Variants in ARAP2 observed in about 807,000 individuals in gnomAD.
The protein encoded by ARAP2 is arf-GAP with Rho-GAP domain, ANK repeat and PH domain-containing protein 2.
In ARAP2, 148 loss-of-function variants were observed where a neutral mutation model predicts 194.5. The ratio of observed to expected loss-of-function variants is 0.76; its 90% CI spans 0.67 to 0.87. The LOEUF is 0.87. Among genes scored for constraint, ARAP2 ranks in the 40% least tolerant of loss-of-function variants. ARAP2 has a pLI of 0.00. For synonymous variants in ARAP2, 695 were observed against 683.5 expected, an observed-to-expected ratio of 1.02 and a Z score of -0.26; for missense variants, 2,128 against 1,989.7, an observed-to-expected ratio of 1.07 and a Z score of -1.32.
At chr4:36,018,287 G>A (rs760982592) in intron 6 of ARAP2, among the ~76,000 whole-genome samples, 2 of 152,014 alleles carry the variant, frequency 1.3e-5, no homozygotes, top group Non-Finnish European at 2.9e-5. Flanking sequence ...GTGTTCGTTA[G>A]GGTTCTCAAT....
At chr4:36,072,474 T>C (rs1216031584) in intron 32 of ARAP2, among the ~76,000 whole-genome samples, 1 of 152,066 alleles carries the variant, frequency 6.6e-6, no homozygotes, top group Non-Finnish European at 1.5e-5. Flanking sequence ...TTTATTTTGC[T>C]TTGCCGATAA....
At position 36,112,261 on chromosome 4, in the gene ARAP2, TA is replaced by T. The variant is rs553025839; in HGVS notation, c.4156+1908del. On this transcript the variant is annotated intron_variant, in intron 26 of 32. Coordinates refer to ENST00000303965, the MANE Select transcript of ARAP2 (RefSeq NM_015230.4). ...AGCCTGAAATACACGGTAAATGCCCTAAAAAAAGTATAGTCTAGGGCAGAAC... is the reference window on the plus strand; with the variant it reads ...AGCCTGAAATACACGGTAAATGCCCTAAAAAAGTATAGTCTAGGGCAGAAC... 7.9e-5 allele frequency among the ~76,000 whole-genome samples: 12 copies of T among 151,940 alleles called. No individual in the cohort carries two copies. In the South Asian group the frequency reaches 1.2e-3, roughly 16 times the overall value.
chr4:36,148,973 A>T (rs1730297500), intron 16 of ARAP2, among the ~76,000 whole-genome samples: 2 of 152,164 alleles, frequency 1.3e-5, no homozygotes, highest in Non-Finnish European at 2.9e-5. Context: ...CAGTTTTCCT[A>T]AGAAAGATAA....
downstream of ARAP2, chr4:36,065,337 T>G (rs889592226): frequency 2.0e-6 from 1 of 511,436 alleles, no homozygotes; most frequent in African/African-American, 2.0e-5. Context: ...GAGCTGGCTG[T>G]AGTGGATCTC....
chr4:36,232,736 GAAT>G (rs1272648660), intron 1 of ARAP2, among the ~76,000 whole-genome samples: 1 of 152,124 alleles, frequency 6.6e-6, no homozygotes, highest in Non-Finnish European at 1.5e-5. Context: ...CCTCAAAATA[GAAT>G]AAATCACTCC....
At chr4:36,093,500 C>G (rs1259344541) in intron 27 of ARAP2, among the ~76,000 whole-genome samples, 4 of 152,048 alleles carry the variant, frequency 2.6e-5, no homozygotes, top group Non-Finnish European at 4.4e-5. Flanking sequence ...TATACACTCT[C>G]TAATAACAAC....
intron 11 of ARAP2, among the ~76,000 whole-genome samples, chr4:36,163,230 A>G (rs1192636042): frequency 1.3e-5 from 2 of 152,276 alleles, no homozygotes; most frequent in East Asian, 3.9e-4. Context: ...TTTCACAAGC[A>G]TGGAAATACA....
Position 36,229,579 on chromosome 4 carries a change from T to C in ARAP2, c.-93A>G, listed in dbSNP as rs1289962141. On this transcript the variant is annotated 5_prime_UTR_variant, in exon 2 of 33. Transcript: ENST00000303965. ...TACTTCTCTACTGGCTTTTCCTCTA[T>C]CAATTGTGACAGAAAAGTTTCTTAA... 2 of 985,954 alleles carry C rather than the reference T, an allele frequency of 2.0e-6. No individual in the cohort carries two copies. Among genetic ancestry groups the C allele is most frequent in the African/African-American group, 1.6e-5 (1 of 61,780 alleles). 61.1% of individuals were successfully genotyped at this position (985,954 alleles called of 1,614,324 possible).
At chr4:36,009,725 C>T (rs576680838) in intron 9 of ARAP2, among the ~76,000 whole-genome samples, 95 of 152,178 alleles carry the variant, frequency 6.2e-4, no homozygotes, top group South Asian at 1.4e-3. Flanking sequence ...AATATCTTAA[C>T]AGTTGGTACC....
intron 2 of ARAP2, among the ~76,000 whole-genome samples, chr4:36,215,227 C>G (rs1747658634): frequency 6.6e-6 from 1 of 152,126 alleles, no homozygotes; most frequent in Non-Finnish European, 1.5e-5. Flanking sequence ...TGTGCCATTG[C>G]TGAAAGTATA....
In ARAP2 at chr4:36,082,339, A is replaced by C. The variant is rs1729775411; in HGVS notation, c.4509-53T>G. 5.9e-6 allele frequency: 9 copies of C among 1,535,060 alleles called. No individual in the cohort carries two copies. In the East Asian group the frequency reaches 2.1e-4, roughly 36 times the overall value. ...ATAAATTAAAAATAATACATTTTAC[A>C]AGACAGAAAACAGGATTAGATGTTA... On this transcript the variant is annotated intron_variant, in intron 29 of 32. Transcript: ENST00000303965.
rs1410596404 is a variant in ARAP2 at position 36,083,359 on chromosome 4, A to G, written c.4508+9T>C. On this transcript the variant is annotated intron_variant, in intron 29 of 32. Transcript: ENST00000303965. ...TTTTTCCTTTCAGCACTTCCCTTTC[A>G]AACTTTACCTTGTTGGAGGCTTCAT... 2.8e-5 allele frequency: 44 copies of G among 1,591,248 alleles called. No homozygotes were observed. The highest frequency in any genetic ancestry group is 3.8e-5 in the Non-Finnish European group (44 of 1,167,060).
intron 1 of ARAP2, among the ~76,000 whole-genome samples, chr4:36,243,383 C>CAAAAAAAAAAAAAAAAAAAA (rs71201008): frequency 1.2e-5 from 1 of 85,102 alleles, no homozygotes; most frequent in Non-Finnish European, 2.2e-5. Context: ...GACAAGCTTG[C>CAAAAAAAAAAAAAAAAAAAA]AAAAAAAAAA....
chr4:36,170,081 A>T (rs56002329), intron 9 of ARAP2, among the ~76,000 whole-genome samples: 2,582 of 152,308 alleles, frequency 0.017, 64 homozygotes, highest in African/African-American at 0.058. Flanking sequence ...TACTCACAAA[A>T]ATTACCTGTG....
intron 5 of ARAP2, among the ~76,000 whole-genome samples, chr4:36,022,756 C>T (rs139275775): frequency 6.6e-6 from 1 of 152,202 alleles, no homozygotes; most frequent in East Asian, 1.9e-4. Context: ...CTAAAGGGTT[C>T]AGAAGGAGGA....
chr4:36,050,499 C>T (rs1722489865), intron 3 of ARAP2, among the ~76,000 whole-genome samples: 1 of 152,112 alleles, frequency 6.6e-6, no homozygotes, highest in Non-Finnish European at 1.5e-5. Flanking sequence ...TCATGTGTGG[C>T]GTTGTTTCAT....
chr4:36,171,763 C>T lies in ARAP2; in HGVS notation c.1858-4716G>A, dbSNP rs186477684. 7.9e-4 allele frequency among the ~76,000 whole-genome samples: 120 copies of T among 151,674 alleles called. 3 individuals carry two copies. Among genetic ancestry groups the T allele is most frequent in the Non-Finnish European group, 2.9e-4 (20 of 67,958 alleles). On this transcript the variant is annotated intron_variant, in intron 9 of 32. Coordinates refer to ENST00000303965, the MANE Select transcript of ARAP2 (RefSeq NM_015230.4). Reference sequence around the variant, plus strand: ...TTGTTATTATTATTTTTATTTTATACCTTTTGAATTTGAAACCAACTGAAC... The same window carrying T: ...TTGTTATTATTATTTTTATTTTATATCTTTTGAATTTGAAACCAACTGAAC...
chr4:36,084,349 A>G (rs979025475), intron 28 of ARAP2, among the ~76,000 whole-genome samples: 6 of 152,070 alleles, frequency 3.9e-5, no homozygotes, highest in African/African-American at 9.7e-5. Context: ...CCCATCACCA[A>G]TGTTGACTGG....
intron 27 of ARAP2, among the ~76,000 whole-genome samples, chr4:36,101,742 T>A (rs986120206): frequency 2.0e-5 from 3 of 152,040 alleles, no homozygotes; most frequent in African/African-American, 4.8e-5. Context: ...CTCACAATTA[T>A]GTGACAAGAT....
Sources: allele counts gnomAD v4.1 joint callset (sites outside exome capture counted in the v4.1 genomes callset), GRCh38; gene constraint gnomAD v4.1.1; transcripts MANE v1.5; gene names NCBI Gene and HGNC (gene_info 2026-07-23, HGNC 2026-07-21).